SH3GL2: variants seen among roughly 807,000 people sequenced by gnomAD.
The protein encoded by SH3GL2 is SH3 domain containing GRB2 like 2, endophilin A1.
A neutral mutation model predicts 46.0 loss-of-function variants in SH3GL2; 24 were observed. The observed-to-expected ratio is 0.52, with a 90% CI of 0.38 to 0.73. The LOEUF (loss-of-function observed/expected upper bound fraction) is 0.73, where lower values mean the gene tolerates loss of function less well. Among genes scored for constraint, SH3GL2 ranks in the 30% least tolerant of loss-of-function variants. SH3GL2 has a pLI of 0.00. For synonymous variants in SH3GL2, 196 were observed against 147.1 expected (o/e 1.33, Z -2.40); for missense variants, 413 against 424.2 (o/e 0.97, Z 0.23).
chr9:17,666,795 A>G (rs1055285525), intron 1 of SH3GL2, among the ~76,000 whole-genome samples: 3 of 152,144 alleles, frequency 2.0e-5, no homozygotes, highest in Non-Finnish European at 4.4e-5. Flanking sequence ...TTGCTAGATC[A>G]AAAGGTAAAT....
At chr9:17,606,088 T>G (rs1051199523) in intron 1 of SH3GL2, among the ~76,000 whole-genome samples, 74 of 146,654 alleles carry the variant, frequency 5.0e-4, no homozygotes, top group African/African-American at 1.9e-3. Flanking sequence ...GCGTGAGGTT[T>G]GTTTGTTTGT....
chr9:17,760,337 A>G (rs1823134147), intron 2 of SH3GL2, among the ~76,000 whole-genome samples: 1 of 152,150 alleles, frequency 6.6e-6, no homozygotes, highest in Non-Finnish European at 1.5e-5. Flanking sequence ...TAAGTATTGA[A>G]AAACTGAACT....
chr9:17,771,130 G>T lies in SH3GL2; in HGVS notation c.187+9621G>T, dbSNP rs559306284. ...GAGCTCCTATTTCAAGCATACAACTGTCTGCTGGGGCCATCAGGCTATTTG... is the reference window on the plus strand; with the variant it reads ...GAGCTCCTATTTCAAGCATACAACTTTCTGCTGGGGCCATCAGGCTATTTG... On this transcript the variant is annotated intron_variant, in intron 3 of 8. Transcript: ENST00000380607. 2.0e-5 allele frequency among the ~76,000 whole-genome samples: 3 copies of T among 152,312 alleles called. No individual in the cohort carries two copies. In the South Asian group the frequency reaches 6.2e-4, roughly 32 times the overall value.
rs146249476 is a variant in SH3GL2 at position 17,688,864 on chromosome 9, A to T, written c.46-58202A>T. 3.6e-3 allele frequency among the ~76,000 whole-genome samples: 552 copies of T among 152,226 alleles called. 2 individuals carry two copies. Among genetic ancestry groups the T allele is most frequent in the Middle Eastern group, 0.017 (5 of 294 alleles). On this transcript the variant is annotated intron_variant, in intron 1 of 8. Coordinates refer to ENST00000380607, the MANE Select transcript of SH3GL2 (RefSeq NM_003026.5). ...AATTAATAAATGGGGGAGAAGACAC[A>T]TACTTCCTGTGCAGAGGAATTGCAA...
At chr9:17,702,503 A>G (rs1464736076) in intron 1 of SH3GL2, among the ~76,000 whole-genome samples, 3 of 152,078 alleles carry the variant, frequency 2.0e-5, no homozygotes, top group Admixed American at 2.0e-4. Context: ...AAAAGCAAGG[A>G]GCAAAACATA....
intron 1 of SH3GL2, among the ~76,000 whole-genome samples, chr9:17,627,010 G>A (rs754390444): frequency 5.9e-5 from 9 of 152,132 alleles, no homozygotes; most frequent in Non-Finnish European, 1.0e-4. Context: ...GGCCCTGGTC[G>A]TGTGCTGGAT....
Position 17,787,215 on chromosome 9 carries a change from A to G in SH3GL2, c.332-165A>G, listed in dbSNP as rs534073460. Among the ~76,000 whole-genome samples the G allele has an allele frequency of 3.3e-5, 5 of 152,270 alleles. 1 individual carries two copies. Among genetic ancestry groups the G allele is most frequent in the Admixed American group, 3.3e-4 (5 of 15,288 alleles). ...AGAGGTATTTACCCTCTTAGGGGGC[A>G]TTGAGTCTGTTGCCTGGAGTGAACT... On this transcript the variant is annotated intron_variant, in intron 4 of 8. Coordinates refer to ENST00000380607, the MANE Select transcript of SH3GL2 (RefSeq NM_003026.5).
intron 1 of SH3GL2, among the ~76,000 whole-genome samples, chr9:17,709,680 T>TACAC (rs3837228): frequency 0.018 from 2,723 of 148,250 alleles, 51 homozygotes; most frequent in African/African-American, 0.054. Flanking sequence ...TTATTTGTAT[T>TACAC]ACACACACAC....
At chr9:17,628,225 C>T (rs756725283) in intron 1 of SH3GL2, among the ~76,000 whole-genome samples, 18 of 152,252 alleles carry the variant, frequency 1.2e-4, no homozygotes, top group Admixed American at 1.3e-4. Context: ...GTTACTGGCA[C>T]GTGGGCATTC....
At chr9:17,701,727 A>G (rs1371771118) in intron 1 of SH3GL2, among the ~76,000 whole-genome samples, 2 of 152,090 alleles carry the variant, frequency 1.3e-5, no homozygotes, top group Non-Finnish European at 2.9e-5. Context: ...AACAAAGATA[A>G]AATTCCTAGC....
chr9:17,713,234 T>G (rs1203843938), intron 1 of SH3GL2, among the ~76,000 whole-genome samples: 1 of 151,654 alleles, frequency 6.6e-6, no homozygotes, highest in Non-Finnish European at 1.5e-5. Flanking sequence ...CTCTAAAATT[T>G]GTAGAATCTG....
At chr9:17,685,588 G>A (rs985764858) in intron 1 of SH3GL2, among the ~76,000 whole-genome samples, 1 of 151,944 alleles carries the variant, frequency 6.6e-6, no homozygotes, top group South Asian at 2.1e-4. Flanking sequence ...TAGGTCTAAC[G>A]TTTAAGTCTT....
chr9:17,647,569 A>C (rs1232986772), intron 1 of SH3GL2, among the ~76,000 whole-genome samples: 1 of 152,184 alleles, frequency 6.6e-6, no homozygotes, highest in Non-Finnish European at 1.5e-5. Flanking sequence ...TCTCATCTGA[A>C]AGTGAGGATA....
chr9:17,771,068 A>G (rs77283131), intron 3 of SH3GL2, among the ~76,000 whole-genome samples: 102 of 152,278 alleles, frequency 6.7e-4, no homozygotes, highest in African/African-American at 2.3e-3. Flanking sequence ...TTGTTATTCT[A>G]TGTAGAAAAC....
chr9:17,685,310 T>C (rs1820874388), intron 1 of SH3GL2, among the ~76,000 whole-genome samples: 1 of 152,078 alleles, frequency 6.6e-6, no homozygotes, highest in Non-Finnish European at 1.5e-5. Flanking sequence ...TTCTACTTCT[T>C]CAGGGAAAAT....
chr9:17,684,651 C>G (rs964939975), intron 1 of SH3GL2, among the ~76,000 whole-genome samples: 2 of 152,060 alleles, frequency 1.3e-5, no homozygotes, highest in Non-Finnish European at 2.9e-5. Context: ...CTGCAACACA[C>G]ATACAGTCAG....
chr9:17,679,622 C>A (rs1262721065), intron 1 of SH3GL2, among the ~76,000 whole-genome samples: 1 of 152,144 alleles, frequency 6.6e-6, no homozygotes, highest in Admixed American at 6.5e-5. Flanking sequence ...CCCTTTATTT[C>A]TTTCTCCTGC....
At chr9:17,687,573 G>A (rs1820954274) in intron 1 of SH3GL2, among the ~76,000 whole-genome samples, 1 of 152,054 alleles carries the variant, frequency 6.6e-6, no homozygotes, top group African/African-American at 2.4e-5. Context: ...GTTCTTCATA[G>A]TATAGTCCTG....
chr9:17,627,416 G>A (rs1018806476), intron 1 of SH3GL2, among the ~76,000 whole-genome samples: 1 of 152,150 alleles, frequency 6.6e-6, no homozygotes, highest in Admixed American at 6.5e-5. Flanking sequence ...CCACCCGAGA[G>A]CTCTTCTGGA....
Sources: gnomAD v4.1 joint callset for allele counts (sites outside exome capture counted in the v4.1 genomes callset) on GRCh38, gnomAD v4.1.1 for gene constraint, MANE v1.5 for transcripts, NCBI Gene and HGNC (gene_info 2026-07-23, HGNC 2026-07-21) for gene names.